The following FSTL5 variants were observed in gnomAD, a reference collection of about 807,000 sequenced individuals.
FSTL5 encodes follistatin like 5.
A neutral mutation model predicts 89.1 loss-of-function variants in FSTL5; 62 were observed. The observed-to-expected ratio is 0.70, with a 90% CI of 0.57 to 0.86. The LOEUF is 0.86. Ranked by LOEUF, FSTL5 falls within the 40% of genes least tolerant of loss-of-function variation. FSTL5 has a pLI of 0.00. For synonymous variants in FSTL5, 383 were observed against 346.2 expected, an observed-to-expected ratio of 1.11 and a Z score of -1.18; for missense variants, 1,057 against 1,001.6, an observed-to-expected ratio of 1.06 and a Z score of -0.75.
At chr4:162,079,152 T>A (rs1729986005) in intron 2 of FSTL5, among the ~76,000 whole-genome samples, 1 of 151,784 alleles carries the variant, frequency 6.6e-6, no homozygotes, top group Non-Finnish European at 1.5e-5. Flanking sequence ...ACTTTTCTCC[T>A]ATGGGTTTAC....
chr4:162,148,221 G>C (rs1733076624), intron 1 of FSTL5, among the ~76,000 whole-genome samples: 1 of 152,010 alleles, frequency 6.6e-6, no homozygotes, highest in African/African-American at 2.4e-5. Context: ...TAGGTGACTT[G>C]GTGAATAAAT....
intron 15 of FSTL5, among the ~76,000 whole-genome samples, chr4:161,431,134 G>A (rs921463028): frequency 6.6e-6 from 1 of 152,120 alleles, no homozygotes; most frequent in South Asian, 2.1e-4. Flanking sequence ...GTAATAGTAA[G>A]TACACAGAAA....
chr4:161,485,610 G>A (rs1357678630), intron 12 of FSTL5, among the ~76,000 whole-genome samples: 2 of 152,080 alleles, frequency 1.3e-5, no homozygotes, highest in Non-Finnish European at 2.9e-5. Context: ...TTGCATACGT[G>A]AACACGAAGA....
At chr4:161,953,364 T>C (rs997894057) in intron 3 of FSTL5, among the ~76,000 whole-genome samples, 1 of 151,612 alleles carries the variant, frequency 6.6e-6, no homozygotes, top group African/African-American at 2.4e-5. Flanking sequence ...AAATGTATAC[T>C]TTTAATTTTA....
chr4:161,615,444 CAAAAAA>C (rs570217571), intron 7 of FSTL5, among the ~76,000 whole-genome samples: 1 of 87,440 alleles, frequency 1.1e-5, no homozygotes, highest in Admixed American at 1.3e-4. Flanking sequence ...GACTCCATCT[CAAAAAA>C]AAAAAAAAAA....
chr4:161,878,205 C>T (rs535203985), intron 4 of FSTL5, among the ~76,000 whole-genome samples: 1 of 152,208 alleles, frequency 6.6e-6, no homozygotes, highest in Middle Eastern at 3.4e-3. Flanking sequence ...AAGTGCTATA[C>T]TTCCTAAATT....
intron 7 of FSTL5, among the ~76,000 whole-genome samples, chr4:161,624,824 T>C (rs1054700320): frequency 2.6e-5 from 4 of 152,192 alleles, no homozygotes; most frequent in African/African-American, 9.6e-5. Context: ...TCAACCAGTA[T>C]ATGTTTTGTA....
At chr4:161,961,860 A>T (rs1295823565) in intron 3 of FSTL5, among the ~76,000 whole-genome samples, 1 of 151,660 alleles carries the variant, frequency 6.6e-6, no homozygotes, top group African/African-American at 2.4e-5. Context: ...GTATTACATG[A>T]CCAAAAGCTA....
chr4:161,649,094 C>T (rs1029560349), intron 7 of FSTL5, among the ~76,000 whole-genome samples: 3 of 152,120 alleles, frequency 2.0e-5, no homozygotes, highest in Admixed American at 2.0e-4. Context: ...GACCTGTTAA[C>T]AGCCCGGACA....
chr4:161,469,978 TA>T (rs1250621381), intron 13 of FSTL5, among the ~76,000 whole-genome samples: 1 of 152,180 alleles, frequency 6.6e-6, no homozygotes, highest in Non-Finnish European at 1.5e-5. Context: ...GAGTTCTCTA[TA>T]TACATTGGAT....
chr4:162,039,563 T>C (rs1737869440), intron 2 of FSTL5, among the ~76,000 whole-genome samples: 1 of 151,920 alleles, frequency 6.6e-6, no homozygotes. Context: ...GTGGCATAAG[T>C]TGAGAAACTA....
intron 13 of FSTL5, 57 bp downstream of exon 13, chr4:161,480,963 C>T: frequency 8.3e-7 from 1 of 1,211,900 alleles, no homozygotes; most frequent in African/African-American, 1.6e-5. Context: ...AAGATTACTA[C>T]AATGATATAA....
chr4:161,992,916 ATATATATATGTG>A (rs1578926850), intron 3 of FSTL5, among the ~76,000 whole-genome samples: 46 of 14,282 alleles, frequency 3.2e-3, no homozygotes, highest in East Asian at 8.1e-3. Context: ...ATATATATAT[ATATATATATGTG>A]TGTATATATA....
intron 8 of FSTL5, among the ~76,000 whole-genome samples, chr4:161,546,381 A>AT (rs5863464): frequency 0.21 from 31,908 of 150,524 alleles, 3,985 homozygotes; most frequent in East Asian, 0.55. Context: ...TGTGTAAGAC[A>AT]TTAAATCAGT....
At chr4:161,411,317 C>G (rs1287555382) in intron 15 of FSTL5, among the ~76,000 whole-genome samples, 1 of 151,948 alleles carries the variant, frequency 6.6e-6, no homozygotes, top group Admixed American at 6.6e-5. Flanking sequence ...AGGAGGAGTT[C>G]CTTCCTAACT....
intron 4 of FSTL5, among the ~76,000 whole-genome samples, chr4:161,793,861 G>A (rs747887077): frequency 3.3e-5 from 5 of 151,758 alleles, no homozygotes; most frequent in East Asian, 1.9e-4. Flanking sequence ...CTCCTGCCTC[G>A]GCTTCCCAAA....
chr4:161,443,600 A>G (rs1732848017), intron 15 of FSTL5, among the ~76,000 whole-genome samples: 2 of 151,976 alleles, frequency 1.3e-5, no homozygotes, highest in Admixed American at 1.3e-4. Flanking sequence ...TATTTAATGC[A>G]ATCTTATTGA....
chr4:162,006,403 T>C (rs1266089832), intron 3 of FSTL5, among the ~76,000 whole-genome samples: 6 of 151,960 alleles, frequency 3.9e-5, no homozygotes, highest in African/African-American at 1.4e-4. Flanking sequence ...AACTGGTAAA[T>C]ATGCATGCCT....
At chr4:162,129,503 C>T (rs1732214223) in intron 1 of FSTL5, among the ~76,000 whole-genome samples, 1 of 152,152 alleles carries the variant, frequency 6.6e-6, no homozygotes, top group Admixed American at 6.5e-5. Flanking sequence ...AATTAAAGCA[C>T]AGTAATCAAC....
Sources: allele counts gnomAD v4.1 joint callset (sites outside exome capture counted in the v4.1 genomes callset), GRCh38; gene constraint gnomAD v4.1.1; transcripts MANE v1.5; gene names NCBI Gene and HGNC (gene_info 2026-07-23, HGNC 2026-07-21).